Variants in DEPDC5 observed in about 807,000 individuals in gnomAD.
The protein encoded by DEPDC5 is GATOR1 complex protein DEPDC5.
DEPDC5 carries 73 observed loss-of-function variants against 217.3 expected under a neutral mutation model. That is an observed-to-expected ratio of 0.34 (90% CI 0.28 to 0.41). DEPDC5 has a LOEUF of 0.41. Among genes scored for constraint, DEPDC5 ranks in the 10% least tolerant of loss-of-function variants. The pLI, the probability that DEPDC5 is intolerant of heterozygous loss-of-function variation, is 1.00. For synonymous variants in DEPDC5, 733 were observed against 756.7 expected, an observed-to-expected ratio of 0.97 and a Z score of 0.51; for missense variants, 1,675 against 2,070.1, an observed-to-expected ratio of 0.81 and a Z score of 3.70.
At chr22:31,803,841 G>T (rs754256483) in intron 15 of DEPDC5, among the ~76,000 whole-genome samples, 27 of 152,072 alleles carry the variant, frequency 1.8e-4, no homozygotes, top group Non-Finnish European at 3.7e-4. Context: ...ATATTACAAA[G>T]TTACTGTTCC....
intron 2 of DEPDC5, chr22:31,757,240 C>CA (rs954372067): frequency 2.0e-5 from 3 of 152,106 alleles, no homozygotes; most frequent in African/African-American, 7.2e-5. Flanking sequence ...CACAGCTACT[C>CA]AAGAGGCTGG....
At chr22:31,784,694 G>A (rs2084805230) in intron 9 of DEPDC5, 120 bp from the exon 10 acceptor site, 4 of 828,832 alleles carry the variant, frequency 4.8e-6, no homozygotes, top group Non-Finnish European at 5.7e-6. Flanking sequence ...GTTGCAAGCA[G>A]TTTACTTAGG....
chr22:31,902,408 T>TATATATATATATATATATATATATATA (rs2093663741), intron 41 of DEPDC5, among the ~76,000 whole-genome samples: 3 of 111,948 alleles, frequency 2.7e-5, no homozygotes, highest in Non-Finnish European at 3.6e-5. Flanking sequence ...CATCTCCTTA[T>TATATATATATATATATATATATATATA]TATATATATA....
At chr22:31,803,991 CA>C in intron 15 of DEPDC5, 170 bp from the exon 16 acceptor site, 1 of 619,162 alleles carries the variant, frequency 1.6e-6, no homozygotes, top group South Asian at 2.2e-5. Context: ...AGGAAACAGA[CA>C]AAATGAATGT....
chr22:31,849,432 C>T (rs190214730), intron 31 of DEPDC5, among the ~76,000 whole-genome samples: 33 of 152,086 alleles, frequency 2.2e-4, no homozygotes, highest in South Asian at 2.1e-3. Flanking sequence ...TGCTTCTTCA[C>T]GTGGCAGCAG....
At chr22:31,821,749 A>G (rs1268422616) in intron 23 of DEPDC5, 112 bp downstream of exon 23, 1 of 1,476,518 alleles carries the variant, frequency 6.8e-7, no homozygotes, top group East Asian at 2.3e-5. Context: ...TTGAAAAGAC[A>G]GTATGAGGTC....
At chr22:31,809,423 G>A (rs1290541981) in intron 18 of DEPDC5, among the ~76,000 whole-genome samples, 188 bp from the exon 19 acceptor site, 1 of 152,170 alleles carries the variant, frequency 6.6e-6, no homozygotes, top group East Asian at 1.9e-4. Flanking sequence ...CAGTGGACAG[G>A]TTTGTGAGAG....
intron 31 of DEPDC5, among the ~76,000 whole-genome samples, chr22:31,850,537 C>A (rs1423975066): frequency 6.6e-6 from 1 of 152,142 alleles, no homozygotes; most frequent in Non-Finnish European, 1.5e-5. Flanking sequence ...ATAGTACATA[C>A]AGGGCTTGGT....
Position 31,784,684 on chromosome 22 carries a change from G to A in DEPDC5, c.563-130G>A, listed in dbSNP as rs2084804376. On this transcript the variant is annotated intron_variant, in intron 9 of 42. Transcript: ENST00000651528. ...TTTGGTCCCCTTTCTTATAGAAGAAGTTGCAAGCAGTTTACTTAGGGAATT... is the reference window on the plus strand; with the variant it reads ...TTTGGTCCCCTTTCTTATAGAAGAAATTGCAAGCAGTTTACTTAGGGAATT... 5.7e-6 allele frequency: 4 copies of A among 706,488 alleles called. No homozygotes were observed. In the South Asian group the frequency reaches 7.7e-5, roughly 14 times the overall value. The allele number at this position is 706,488 out of a possible 1,614,324, so 43.8% of individuals were successfully genotyped here.
chr22:31,757,835 C>T (rs1200938803), intron 2 of DEPDC5, among the ~76,000 whole-genome samples: 1 of 152,110 alleles, frequency 6.6e-6, no homozygotes, highest in Non-Finnish European at 1.5e-5. Flanking sequence ...GTGATTTCGG[C>T]TCACTGTAAC....
chr22:31,782,294 T>C (rs1385557549), intron 8 of DEPDC5, among the ~76,000 whole-genome samples: 1 of 151,938 alleles, frequency 6.6e-6, no homozygotes, highest in Non-Finnish European at 1.5e-5. Context: ...CTCACCACCA[T>C]GCCTGGCTAA....
At chr22:31,877,749 C>CAAA (rs136870) in intron 37 of DEPDC5, among the ~76,000 whole-genome samples, 14 of 62,830 alleles carry the variant, frequency 2.2e-4, no homozygotes, top group Non-Finnish European at 2.6e-4. Flanking sequence ...GACTCCATCT[C>CAAA]AAAAAAAAAA....
intron 15 of DEPDC5, 48 bp from the exon 16 acceptor site, chr22:31,804,114 T>G: frequency 3.8e-6 from 6 of 1,579,774 alleles, no homozygotes; most frequent in Non-Finnish European, 5.2e-6. Flanking sequence ...GGGACACTTG[T>G]CTCTGCCATT....
At chr22:31,764,322 C>G (rs1291745569) in intron 4 of DEPDC5, among the ~76,000 whole-genome samples, 1 of 152,130 alleles carries the variant, frequency 6.6e-6, no homozygotes, top group East Asian at 1.9e-4. Flanking sequence ...AAATTTGTTT[C>G]TTCTTTACCA....
chr22:31,857,612 G>A lies in DEPDC5; in HGVS notation c.3264+59G>A, dbSNP rs1317503769. On this transcript the variant is annotated intron_variant, in intron 32 of 42. Coordinates refer to ENST00000651528, the MANE Select transcript of DEPDC5 (RefSeq NM_001242896.3). ...GTGCTCTCAGAGACTCAGTGTGGAG[G>A]GTAAAACAGATCGCCCTTCAGATCC... is the stretch of plus-strand genomic sequence containing the variant. 5.7e-6 allele frequency: 8 copies of A among 1,413,184 alleles called. No individual in the cohort carries two copies. In the East Asian group the frequency reaches 7.3e-5, roughly 13 times the overall value. 87.5% of individuals were successfully genotyped at this position (1,413,184 alleles called of 1,614,324 possible). A position where few individuals can be genotyped will look rare whatever the true frequency, so the allele number is the denominator to read the frequency against.
At chr22:31,785,971 T>C (rs1488919703) in intron 10 of DEPDC5, among the ~76,000 whole-genome samples, 1 of 152,122 alleles carries the variant, frequency 6.6e-6, no homozygotes, top group Admixed American at 6.6e-5. Flanking sequence ...GACTTAAATA[T>C]AAGAGCTAAA....
rs1173405633 is a variant in DEPDC5 at position 31,907,539 on chromosome 22, C to A, written c.*1042C>A. On this transcript the variant is annotated 3_prime_UTR_variant, in exon 43 of 43. Coordinates refer to ENST00000651528, the MANE Select transcript of DEPDC5 (RefSeq NM_001242896.3). ...AGTAGCTGGGATTACAGGCACCTGCCACCATACCAGGCTAATTTTTTGTAT... is the reference window on the plus strand; with the variant it reads ...AGTAGCTGGGATTACAGGCACCTGCAACCATACCAGGCTAATTTTTTGTAT... 6.6e-6 allele frequency: 1 copy of A among 152,236 alleles called. No individual in the cohort carries two copies. The highest frequency in any genetic ancestry group is 2.4e-5 in the African/African-American group (1 of 41,430). The allele number at this position is 152,236 out of a possible 1,614,324, so 9.4% of individuals were successfully genotyped here. A position where few individuals can be genotyped will look rare whatever the true frequency, so the allele number is the denominator to read the frequency against.
In DEPDC5 at chr22:31,792,756, GA is replaced by G; in HGVS notation, c.709del (p.Ile237Ter). 6.5e-7 allele frequency: 1 copy of G among 1,547,150 alleles called. No homozygotes were observed. The highest frequency in any genetic ancestry group is 8.6e-7 in the Non-Finnish European group (1 of 1,157,058). The stretch of plus-strand genomic sequence containing the variant: ...TTTCTCTATTTCAGATGAATTTCCT[GA>G]AATAAACCGAGCCTCAATTCGACAG... ...YDAKSVDEFP[E>X]INRASIRQDH... On this transcript the variant is annotated frameshift_variant, in exon 12 of 43. Transcript: ENST00000651528. LOFTEE classifies it high-confidence loss of function.
chr22:31,870,427 G>C (rs55851308), intron 33 of DEPDC5, among the ~76,000 whole-genome samples, 163 bp from the exon 34 acceptor site: 1 of 152,324 alleles, frequency 6.6e-6, no homozygotes, highest in South Asian at 2.1e-4. Context: ...TGTGCCACTA[G>C]GGACCAAGGG....
Sources: gnomAD v4.1 joint callset for allele counts (sites outside exome capture counted in the v4.1 genomes callset) on GRCh38, gnomAD v4.1.1 for gene constraint, MANE v1.5 for transcripts, NCBI Gene and HGNC (gene_info 2026-07-23, HGNC 2026-07-21) for gene names.